XIRP2: variants seen among roughly 807,000 people sequenced by gnomAD.
XIRP2 encodes xin actin binding repeat containing 2.
XIRP2 carries 236 observed loss-of-function variants against 277.0 expected under a neutral mutation model. That is an observed-to-expected ratio of 0.85 (90% CI 0.77 to 0.95). XIRP2 has a LOEUF of 0.95. XIRP2 is among the 40% of genes least tolerant of loss of function. XIRP2 has a pLI of 0.00. For missense variants in XIRP2, 4,640 were observed against 4,157.5 expected (o/e 1.12, Z -3.19); for synonymous variants, 1,490 against 1,416.5 (o/e 1.05, Z -1.17).
chr2:167,250,966 T>G lies in XIRP2; in HGVS notation c.9574T>G (p.Leu3192Val), dbSNP rs1197860876. Reference sequence around the variant, plus strand: ...CAGACTCAAAGACACCACTGCAAAGTTATCCAAAGGGGCCATCCCATGTCC... The same window carrying G: ...CAGACTCAAAGACACCACTGCAAAGGTATCCAAAGGGGCCATCCCATGTCC... ...LVRLKDTTAKLSKGAIPCPAA... is the reference protein window; with the variant it reads ...LVRLKDTTAKVSKGAIPCPAA... Residue 3192 changes from leucine (L) to valine (V), a missense_variant, in exon 9 of 11, where the codon TTA becomes GTA. Coordinates refer to ENST00000409195, the MANE Select transcript of XIRP2 (RefSeq NM_152381.6). The G allele has an allele frequency of 3.7e-6, 6 of 1,613,454 alleles. No individual in the cohort carries two copies. The highest frequency in any genetic ancestry group is 4.2e-6 in the Non-Finnish European group (5 of 1,179,728).
chr2:167,108,768 T>G (rs1690672060), intron 2 of XIRP2, among the ~76,000 whole-genome samples: 2 of 151,562 alleles, frequency 1.3e-5, no homozygotes, highest in African/African-American at 4.9e-5. Flanking sequence ...ACTCTTTAAA[T>G]GTATACTCTT....
chr2:167,177,632 T>G (rs1692884149), intron 3 of XIRP2, among the ~76,000 whole-genome samples: 1 of 152,216 alleles, frequency 6.6e-6, no homozygotes, highest in African/African-American at 2.4e-5. Context: ...AATATTCATG[T>G]GTTGCTTTGC....
intron 2 of XIRP2, among the ~76,000 whole-genome samples, chr2:166,957,655 C>T (rs934350576): frequency 6.6e-6 from 1 of 151,732 alleles, no homozygotes; most frequent in African/African-American, 2.4e-5. Flanking sequence ...AGTGTTGCAT[C>T]CTATGCTCAG....
At chr2:167,084,977 TCTG>T (rs1360171304) in intron 2 of XIRP2, among the ~76,000 whole-genome samples, 3 of 138,148 alleles carry the variant, frequency 2.2e-5, no homozygotes, top group Non-Finnish European at 4.8e-5. Context: ...TTTCTTGCCT[TCTG>T]CTAGCTTTTG....
Position 167,247,177 on chromosome 2 carries a change from T to C in XIRP2, c.5785T>C (p.Leu1929=). The C allele has an allele frequency of 6.2e-7, 1 of 1,613,550 alleles. No individual in the cohort carries two copies. Among genetic ancestry groups the C allele is most frequent in the Non-Finnish European group, 8.5e-7 (1 of 1,179,760 alleles). The change falls in exon 9 of 11, where the codon TTG becomes CTG. Residue 1929 remains leucine (L), a synonymous_variant. Coordinates refer to ENST00000409195, the MANE Select transcript of XIRP2 (RefSeq NM_152381.6). ...TGACCTGGAAACATCACTAAGGTCT[T>C]TGAAAGAAGCACAAAGAAGTTTCAA... ...KDDLETSLRS[L]KEAQRSFKEV...
At chr2:166,941,393 C>G (rs1685709983) in intron 2 of XIRP2, among the ~76,000 whole-genome samples, 1 of 152,212 alleles carries the variant, frequency 6.6e-6, no homozygotes, top group African/African-American at 2.4e-5. Flanking sequence ...TTGCACTTCC[C>G]AGGTAAGGCG....
intron 2 of XIRP2, among the ~76,000 whole-genome samples, chr2:167,101,266 A>T (rs1305202877): frequency 6.6e-6 from 1 of 152,230 alleles, no homozygotes; most frequent in Non-Finnish European, 1.5e-5. Context: ...AAAACTATGT[A>T]TAGAATATAA....
At chr2:166,951,727 A>G (rs1400904425) in intron 2 of XIRP2, among the ~76,000 whole-genome samples, 1 of 152,038 alleles carries the variant, frequency 6.6e-6, no homozygotes, top group East Asian at 1.9e-4. Context: ...TCATATGGAC[A>G]TTTCACAATC....
At chr2:167,053,849 A>T (rs1330094065) in intron 2 of XIRP2, among the ~76,000 whole-genome samples, 1 of 152,204 alleles carries the variant, frequency 6.6e-6, no homozygotes, top group African/African-American at 2.4e-5. Context: ...GTTCATGATA[A>T]TTAAAAATTT....
chr2:167,205,167 A>G (rs1693820454), intron 3 of XIRP2, among the ~76,000 whole-genome samples: 1 of 152,092 alleles, frequency 6.6e-6, no homozygotes, highest in South Asian at 2.1e-4. Flanking sequence ...TTATGTCCCC[A>G]CTATAGGCTC....
intron 2 of XIRP2, among the ~76,000 whole-genome samples, chr2:167,038,199 T>C (rs1364858909): frequency 1.3e-5 from 2 of 152,056 alleles, no homozygotes; most frequent in African/African-American, 4.8e-5. Flanking sequence ...TTTTGTTATA[T>C]GCATAGTTCA....
rs746918017 is a variant in XIRP2, at chr2:167,247,570, G to T, written c.6178G>T (p.Asp2060Tyr). Residue 2060 changes from aspartate to tyrosine, a missense_variant, in exon 9 of 11, where the codon GAC becomes TAC. Asp to Tyr is a radical substitution (Grantham distance 160, BLOSUM62 -3). Transcript: ENST00000409195. ...TAAATCTAATGTTTTGGAATCAGGA[G>T]ACAAAACGGGTGTCTGGACTGATAC... ...HHKSNVLESGDKTGVWTDTTG... is the reference protein window; with the variant it reads ...HHKSNVLESGYKTGVWTDTTG... 1 of 1,613,668 alleles carries T rather than the reference G, an allele frequency of 6.2e-7. No individual in the cohort carries two copies. The highest frequency in any genetic ancestry group is 1.7e-5 in the Admixed American group (1 of 59,958).
Position 167,095,851 on chromosome 2 carries a change from C to CTTTTTTTTTTTTTT in XIRP2, c.409-40031_409-40018dup, listed in dbSNP as rs60405920. On this transcript the variant is annotated intron_variant, in intron 2 of 10. Coordinates refer to ENST00000409195, the MANE Select transcript of XIRP2 (RefSeq NM_152381.6). ...TAAAAATGATTTAGGAGGCGTCACT[C>CTTTTTTTTTTTTTT]TTTTTTTTTTTTTTTTTTTTTTTTT... is the stretch of plus-strand genomic sequence containing the variant. Among the ~76,000 whole-genome samples the CTTTTTTTTTTTTTT allele has an allele frequency of 6.4e-5, 3 of 47,242 alleles. 1 individual carries two copies. Among genetic ancestry groups the CTTTTTTTTTTTTTT allele is most frequent in the Non-Finnish European group, 1.5e-4 (3 of 20,628 alleles). The allele number at this position is 47,242 out of a possible 152,430, so 31.0% of individuals were successfully genotyped here.
chr2:166,956,614 G>T (rs975381250), intron 2 of XIRP2, among the ~76,000 whole-genome samples: 1 of 151,802 alleles, frequency 6.6e-6, no homozygotes, highest in African/African-American at 2.4e-5. Context: ...AAAAAGTCCA[G>T]GGTTGCTAGT....
At chr2:167,256,566 A>G (rs1229482994) in intron 10 of XIRP2, among the ~76,000 whole-genome samples, 1 of 151,742 alleles carries the variant, frequency 6.6e-6, no homozygotes, top group East Asian at 1.9e-4. Context: ...AATTTTTGAT[A>G]TATTTTTAGG....
At chr2:167,155,315 A>G (rs1188733277) in intron 3 of XIRP2, among the ~76,000 whole-genome samples, 1 of 151,926 alleles carries the variant, frequency 6.6e-6, no homozygotes, top group Admixed American at 6.6e-5. Context: ...TTAGACCAAT[A>G]TCCTTGATGA....
intron 3 of XIRP2, among the ~76,000 whole-genome samples, chr2:167,136,949 T>C (rs1691570514): frequency 6.6e-6 from 1 of 152,176 alleles, no homozygotes; most frequent in Admixed American, 6.6e-5. Flanking sequence ...AAAGTGCTGT[T>C]TGCGAATCAG....
At chr2:167,028,584 T>C (rs1235309770) in intron 2 of XIRP2, among the ~76,000 whole-genome samples, 1 of 151,982 alleles carries the variant, frequency 6.6e-6, no homozygotes, top group Non-Finnish European at 1.5e-5. Context: ...TTGGGAAGCC[T>C]TCCCAAGACA....
chr2:167,255,416 A>T (rs1319239327), intron 10 of XIRP2, among the ~76,000 whole-genome samples: 1 of 151,712 alleles, frequency 6.6e-6, no homozygotes, highest in Admixed American at 6.6e-5. Context: ...TAACTCAGTG[A>T]CCAAAGCATG....
Sources: gnomAD v4.1 joint callset for allele counts (sites outside exome capture counted in the v4.1 genomes callset) on GRCh38, gnomAD v4.1.1 for gene constraint, MANE v1.5 for transcripts, NCBI Gene and HGNC (gene_info 2026-07-23, HGNC 2026-07-21) for gene names.